The following AKAP8L variants were observed in gnomAD, a reference collection of about 807,000 sequenced individuals.
The protein encoded by AKAP8L is A-kinase anchoring protein 8 like.
Under a neutral mutation model 77.5 loss-of-function variants are expected in AKAP8L, and 34 were observed. That is an observed-to-expected ratio of 0.44 (90% confidence interval 0.33 to 0.58). The LOEUF (loss-of-function observed/expected upper bound fraction) is 0.58, where lower values mean the gene tolerates loss of function less well. Ranked by LOEUF, AKAP8L falls within the 20% of genes least tolerant of loss-of-function variation. The pLI, the probability that AKAP8L is intolerant of heterozygous loss-of-function variation, is 0.02. For synonymous variants in AKAP8L, 342 were observed against 340.7 expected, an observed-to-expected ratio of 1.00 and a Z score of -0.04; for missense variants, 806 against 887.6, an observed-to-expected ratio of 0.91 and a Z score of 1.17.
chr19:15,386,831 G>A (rs1363522121), intron 12 of AKAP8L, among the ~76,000 whole-genome samples: 2 of 152,132 alleles, frequency 1.3e-5, no homozygotes, highest in Non-Finnish European at 2.9e-5. Context: ...GCTAATTTTT[G>A]TATTTTTAGT....
chr19:15,390,676 C>T (rs1196112880), intron 12 of AKAP8L, among the ~76,000 whole-genome samples: 1 of 152,086 alleles, frequency 6.6e-6, no homozygotes, highest in Non-Finnish European at 1.5e-5. Flanking sequence ...AAATTCTCAA[C>T]AAAATAGCAG....
intron 1 of AKAP8L, among the ~76,000 whole-genome samples, chr19:15,415,833 C>G (rs1472790623): frequency 6.6e-6 from 1 of 151,518 alleles, no homozygotes; most frequent in Non-Finnish European, 1.5e-5. Flanking sequence ...TTGCAGTGGG[C>G]CGAGATGGCG....
chr19:15,380,683 A>G, intron 12 of AKAP8L, 71 bp from the exon 13 acceptor site: 1 of 1,469,892 alleles, frequency 6.8e-7, no homozygotes, highest in Non-Finnish European at 9.4e-7. Context: ...CGACCCTGCC[A>G]GCTTAGAGGG....
At chr19:15,406,004 A>G (rs973434698) in intron 2 of AKAP8L, among the ~76,000 whole-genome samples, 1 of 152,154 alleles carries the variant, frequency 6.6e-6, no homozygotes, top group Non-Finnish European at 1.5e-5. Flanking sequence ...GGGAGGCTAC[A>G]ATGTGGTCAC....
At chr19:15,384,835 A>G (rs570066553) in intron 12 of AKAP8L, among the ~76,000 whole-genome samples, 1 of 152,308 alleles carries the variant, frequency 6.6e-6, no homozygotes, top group South Asian at 2.1e-4. Context: ...ATTTGCACAT[A>G]AAGAGAGTTT....
Position 15,397,488 on chromosome 19 carries a change from G to C in AKAP8L, c.1405+32C>G. ...AATCAGGAGTGCAGGCTGAGGCCTTGCCTGGTGGGAGTGGGCTGAAAATCT... is the reference window on the plus strand; with the variant it reads ...AATCAGGAGTGCAGGCTGAGGCCTTCCCTGGTGGGAGTGGGCTGAAAATCT... On this transcript the variant is annotated intron_variant, in intron 11 of 13. Coordinates refer to ENST00000397410, the MANE Select transcript of AKAP8L (RefSeq NM_014371.4). This position sits in a 1 kb window ranked among gnomAD's most constrained non-coding sequence, Gnocchi z 4.7. 1 of 1,586,354 alleles carries C rather than the reference G, an allele frequency of 6.3e-7. No homozygotes were observed. Among genetic ancestry groups the C allele is most frequent in the South Asian group, 1.1e-5 (1 of 90,188 alleles).
chr19:15,415,365 C>T (rs1227247130), intron 1 of AKAP8L, among the ~76,000 whole-genome samples: 4 of 151,892 alleles, frequency 2.6e-5, no homozygotes, highest in South Asian at 2.1e-4. Context: ...CACAGGAGGG[C>T]GAGGCTGCAG....
chr19:15,400,810 T>A lies in AKAP8L; in HGVS notation c.968A>T (p.Glu323Val), dbSNP rs1967878076. Reference sequence around the variant, plus strand: ...GCCACTTACCACTCTGGAGCCCTTCTCCACAGCCTCGGTGCCTTCAAGGCC... The same window carrying A: ...GCCACTTACCACTCTGGAGCCCTTCACCACAGCCTCGGTGCCTTCAAGGCC... ...TEGLEGTEAV[E>V]KGSRVDGEDE... is the part of the protein sequence containing the mutation. The change falls in exon 7 of 14, where the codon GAG becomes GTG. Residue 323 changes from glutamate to valine, a missense_variant. Glu to Val is a moderately radical substitution (Grantham distance 121). Transcript: ENST00000397410. 1 of 1,613,858 alleles carries A rather than the reference T, an allele frequency of 6.2e-7. No homozygotes were observed. The highest frequency in any genetic ancestry group is 8.5e-7 in the Non-Finnish European group (1 of 1,179,898).
intron 12 of AKAP8L, among the ~76,000 whole-genome samples, chr19:15,382,237 G>A (rs1224611005): frequency 1.4e-5 from 2 of 141,534 alleles, no homozygotes; most frequent in Non-Finnish European, 3.0e-5. Flanking sequence ...AGACAGTCTC[G>A]CTCTGTCGCC....
chr19:15,396,407 T>C (rs746893809), intron 12 of AKAP8L, among the ~76,000 whole-genome samples: 10 of 152,168 alleles, frequency 6.6e-5, no homozygotes, highest in Non-Finnish European at 1.3e-4. Flanking sequence ...CTACTCTGGC[T>C]TCCATGCTAG....
At chr19:15,415,898 A>T (rs6512032) in intron 1 of AKAP8L, among the ~76,000 whole-genome samples, 1 of 11,060 alleles carries the variant, frequency 9.0e-5, no homozygotes, top group African/African-American at 2.3e-4. Context: ...AAAAAAAAAC[A>T]AAAAAAAAAT....
At chr19:15,417,074 C>A (rs1968220324) in intron 1 of AKAP8L, among the ~76,000 whole-genome samples, 1 of 152,082 alleles carries the variant, frequency 6.6e-6, no homozygotes, top group South Asian at 2.1e-4. Context: ...TATCTCAGTG[C>A]CCACCCAAAC....
At position 15,380,361 on chromosome 19, in the gene AKAP8L, C is replaced by T. The variant is rs1427647276; in HGVS notation, c.1702G>A (p.Asp568Asn). 1.3e-6 allele frequency: 2 copies of T among 1,560,110 alleles called. No individual in the cohort carries two copies. The highest frequency in any genetic ancestry group is 4.8e-5 in the East Asian group (2 of 42,076). The change falls in exon 14 of 14, where the codon GAC becomes AAC. Residue 568 changes from aspartate to asparagine, a missense_variant. This residue lies in a region of AKAP8L where 226 missense variants were observed against 193.5 expected (regional missense o/e 1.17). Coordinates refer to ENST00000397410, the MANE Select transcript of AKAP8L (RefSeq NM_014371.4). ...EQEEAEGGAL[D>N]EGAQGEAAGI... ...GCCGCTTCGCCCTGCGCCCCCTCGT[C>T]CAGGGCACCGCCCTCAGCCTCCTCC...
chr19:15,395,908 C>T (rs1021364976), intron 12 of AKAP8L, among the ~76,000 whole-genome samples: 9 of 126,348 alleles, frequency 7.1e-5, no homozygotes, highest in Admixed American at 2.8e-4. Flanking sequence ...GGCGTGAACC[C>T]GGGAGGCGGA....
Position 15,403,725 on chromosome 19 carries a change from G to A in AKAP8L, c.122-10C>T, listed in dbSNP as rs773264244. On this transcript the variant is annotated splice_polypyrimidine_tract_variant and intron_variant, in intron 3 of 13. Coordinates refer to ENST00000397410, the MANE Select transcript of AKAP8L (RefSeq NM_014371.4). This position sits in a 1 kb window ranked among gnomAD's most constrained non-coding sequence, Gnocchi z 4.3. ...CCATAGCCCTCGTAGCCTGCAGTGA[G>A]GGAGACAGAGACAGACAGATGGTGG... The A allele has an allele frequency of 1.3e-6, 2 of 1,560,206 alleles. No homozygotes were observed. Among genetic ancestry groups the A allele is most frequent in the East Asian group, 4.8e-5 (2 of 41,828 alleles).
intron 2 of AKAP8L, among the ~76,000 whole-genome samples, chr19:15,409,273 T>C (rs1253727444): frequency 6.6e-6 from 1 of 152,130 alleles, no homozygotes; most frequent in East Asian, 1.9e-4. Context: ...GTACTCAGAA[T>C]ATGCAATCCA....
rs1568258110 is a variant in AKAP8L at position 15,380,236 on chromosome 19, C to A, written c.1827G>T (p.Glu609Asp). 1.3e-6 allele frequency: 2 copies of A among 1,501,984 alleles called. No homozygotes were observed. The highest frequency in any genetic ancestry group is 1.8e-6 in the Non-Finnish European group (2 of 1,135,414). 93.0% of individuals were successfully genotyped at this position (1,501,984 alleles called of 1,614,324 possible). ...AGGGCACGGCGCCCTCCTCCTCCTC[C>A]TCTGGGGGCGGCGGCGGTGGCGGCG... ...AVSPPPPPPPEEEEEGAVPLL... is the reference protein window; with the variant it reads ...AVSPPPPPPPDEEEEGAVPLL... The change falls in exon 14 of 14, where the codon GAG becomes GAT. Residue 609 changes from glutamate to aspartate, a missense_variant. Transcript: ENST00000397410.
Position 15,399,194 on chromosome 19 carries a change from CT to C in AKAP8L, c.1157+107del. 11 of 1,001,838 alleles carry C rather than the reference CT, an allele frequency of 1.1e-5. No homozygotes were observed. The highest frequency in any genetic ancestry group is 1.7e-5 in the Non-Finnish European group (11 of 652,090). 62.1% of individuals were successfully genotyped at this position (1,001,838 alleles called of 1,614,324 possible). ...CCATGCACGGCCGAGCAGGTGGCGG[CT>C]CCCAAGGGAGGCCAGAGGGCGGCGA... On this transcript the variant is annotated intron_variant, in intron 9 of 13. Coordinates refer to ENST00000397410, the MANE Select transcript of AKAP8L (RefSeq NM_014371.4). This position sits in a 1 kb window ranked among gnomAD's most constrained non-coding sequence, Gnocchi z 6.1.
rs540045807 is a variant in AKAP8L, at chr19:15,403,919, C to A, written c.121+91G>T. 2 of 1,510,336 alleles carry A rather than the reference C, an allele frequency of 1.3e-6. No homozygotes were observed. The highest frequency in any genetic ancestry group is 2.3e-5 in the East Asian group (1 of 44,358). The allele number at this position is 1,510,336 out of a possible 1,614,324, so 93.6% of individuals were successfully genotyped here. A position where few individuals can be genotyped will look rare whatever the true frequency, so the allele number is the denominator to read the frequency against. ...ACCCCAGAAACATGCCCCCTCCCCA[C>A]TCCCAACCTTGGCCAAGCAGGGCAG... On this transcript the variant is annotated intron_variant, in intron 3 of 13. Coordinates refer to ENST00000397410, the MANE Select transcript of AKAP8L (RefSeq NM_014371.4). The surrounding 1 kb of genome is among the most constrained non-coding windows in gnomAD (Gnocchi z 4.3).
Sources: gnomAD v4.1 joint callset for allele counts (sites outside exome capture counted in the v4.1 genomes callset) on GRCh38, gnomAD v4.1.1 for gene constraint, gnomAD v4.1.1 regional missense constraint, Gnocchi (gnomAD v3.1) non-coding constraint, MANE v1.5 for transcripts, NCBI Gene and HGNC (gene_info 2026-07-23, HGNC 2026-07-21) for gene names.